The following HTR3B variants were observed in gnomAD, a reference collection of about 807,000 sequenced individuals.
The protein encoded by HTR3B is 5-hydroxytryptamine (serotonin) receptor 3B, ionotropic.
Under a neutral mutation model 42.8 loss-of-function variants are expected in HTR3B, and 44 were observed. The observed-to-expected ratio is 1.03, with a 90% CI of 0.81 to 1.32. HTR3B has a LOEUF of 1.32. Ranked by LOEUF, HTR3B falls within the 40% of genes most tolerant of loss-of-function variation. The pLI, the probability that HTR3B is intolerant of heterozygous loss-of-function variation, is 0.00. For synonymous variants in HTR3B, 203 were observed against 209.0 expected (o/e 0.97, Z 0.25); for missense variants, 527 against 536.5 (o/e 0.98, Z 0.17).
intron 7 of HTR3B, among the ~76,000 whole-genome samples, chr11:113,943,926 C>T (rs1272322801): frequency 1.3e-5 from 2 of 151,726 alleles, no homozygotes; most frequent in Non-Finnish European, 2.9e-5. Flanking sequence ...GATGCAGTGG[C>T]TCACACCTAT....
intron 6 of HTR3B, among the ~76,000 whole-genome samples, chr11:113,938,553 A>G (rs966420844): frequency 6.6e-6 from 1 of 152,174 alleles, no homozygotes; most frequent in African/African-American, 2.4e-5. Flanking sequence ...TATTAATAGT[A>G]CTAACTTCAG....
chr11:113,942,468 A>C (rs981429902), intron 6 of HTR3B, among the ~76,000 whole-genome samples: 7 of 152,222 alleles, frequency 4.6e-5, no homozygotes, highest in African/African-American at 1.7e-4. Context: ...ACACACACAC[A>C]CAAAAGTAAT....
At position 113,931,423 on chromosome 11, in the gene HTR3B, C is replaced by T; in HGVS notation, c.253C>T (p.Gln85Ter). The T allele has an allele frequency of 6.3e-7, 1 of 1,588,006 alleles. No individual in the cohort carries two copies. The highest frequency in any genetic ancestry group is 8.6e-7 in the Non-Finnish European group (1 of 1,163,026). ...AATATTAAAGACAAGTGTATGGTAC[C>T]AAGAGGTAAATAATTATGTTTTCTT... ...NQILKTSVWYQEVWNDEFLSW... is the reference protein window; with the variant it reads ...NQILKTSVWY The change falls in exon 3 of 9, where the codon CAA (glutamine) becomes TAA (stop). Residue 85 changes from glutamine to a stop codon, truncating the protein, a stop_gained. Coordinates refer to ENST00000260191, the MANE Select transcript of HTR3B (RefSeq NM_006028.5). LOFTEE classifies it high-confidence loss of function.
At position 113,931,361 on chromosome 11, in the gene HTR3B, T is replaced by A. The variant is rs752138150; in HGVS notation, c.214-23T>A. 58 of 1,577,622 alleles carry A rather than the reference T, an allele frequency of 3.7e-5. No individual in the cohort carries two copies. The African/African-American group carries it at 7.5e-4, about 20-fold the overall frequency. ...TTTATTGACATTCTAAGATTTGGAGTGGATTTTCTTTTTGCCTTGCAGGAT... is the reference window on the plus strand; with the variant it reads ...TTTATTGACATTCTAAGATTTGGAGAGGATTTTCTTTTTGCCTTGCAGGAT... On this transcript the variant is annotated intron_variant, in intron 2 of 8. Transcript: ENST00000260191.
upstream of HTR3B, among the ~76,000 whole-genome samples, chr11:113,901,824 T>C (rs898153822): frequency 1.3e-5 from 2 of 152,216 alleles, no homozygotes; most frequent in African/African-American, 4.8e-5. Context: ...AGTCATAGCT[T>C]ACTACAATGC....
At chr11:113,939,121 C>T (rs1243984479) in intron 6 of HTR3B, among the ~76,000 whole-genome samples, 2 of 152,120 alleles carry the variant, frequency 1.3e-5, no homozygotes, top group Admixed American at 1.3e-4. Context: ...CTTAGAAATG[C>T]GAACATCCTT....
chr11:113,917,293 C>T (rs909311573), intron 2 of HTR3B, among the ~76,000 whole-genome samples: 2 of 152,040 alleles, frequency 1.3e-5, no homozygotes, highest in Admixed American at 1.3e-4. Context: ...CCACCACGCC[C>T]AGCTAATTTT....
At chr11:113,915,741 C>A (rs1277237756) in intron 2 of HTR3B, among the ~76,000 whole-genome samples, 1 of 152,160 alleles carries the variant, frequency 6.6e-6, no homozygotes, top group Non-Finnish European at 1.5e-5. Context: ...AACTGTCCAG[C>A]TTTTTTCCAA....
At chr11:113,925,130 C>A (rs1043260373) in intron 2 of HTR3B, among the ~76,000 whole-genome samples, 36 of 152,258 alleles carry the variant, frequency 2.4e-4, no homozygotes, top group African/African-American at 7.9e-4. Context: ...ACCAGTGGTG[C>A]CTTCTGACCC....
At position 113,945,948 on chromosome 11, in the gene HTR3B, G is replaced by T. The variant is rs1273935078; in HGVS notation, c.1137G>T (p.Lys379Asn). 6.2e-7 allele frequency: 1 copy of T among 1,614,186 alleles called. No individual in the cohort carries two copies. Among genetic ancestry groups the T allele is most frequent in the Non-Finnish European group, 8.5e-7 (1 of 1,180,022 alleles). Residue 379 changes from lysine (K) to asparagine (N), a missense_variant, in exon 9 of 9, where the codon AAG becomes AAT. Transcript: ENST00000260191. ...GEHLAQPGTL[K>N]EVWSQLQSIS... ...ACCTGGCCCAGCCAGGAACCCTGAAGGAAGTCTGGTCGCAGCTTCAATCTA... is the reference window on the plus strand; with the variant it reads ...ACCTGGCCCAGCCAGGAACCCTGAATGAAGTCTGGTCGCAGCTTCAATCTA...
chr11:113,939,389 T>C (rs568972511), intron 6 of HTR3B, among the ~76,000 whole-genome samples: 32 of 152,298 alleles, frequency 2.1e-4, no homozygotes, highest in Admixed American at 2.1e-3. Context: ...CAAACATTTT[T>C]AAGAATTTCA....
Position 113,909,448 on chromosome 11 carries a change from TG to T in HTR3B, c.208del (p.Asp70MetfsTer9), listed in dbSNP as rs1228452459. The T allele has an allele frequency of 4.3e-6, 7 of 1,613,730 alleles. No individual in the cohort carries two copies. In the African/African-American group the frequency reaches 6.7e-5, roughly 15 times the overall value. ...CTGGACCTGTTCGTCCATGCTATAT[TG>T]GATGTGGTAAGGACCATCTTGCCCC... ...VYLDLFVHAI[L>X]DVDAENQILK... is the part of the protein sequence containing the mutation. On this transcript the variant is annotated frameshift_variant, in exon 2 of 9. Transcript: ENST00000260191. LOFTEE classifies it high-confidence loss of function.
At chr11:113,932,247 A>C (rs1950042862) in intron 4 of HTR3B, 42 bp from the exon 5 acceptor site, 1 of 1,535,632 alleles carries the variant, frequency 6.5e-7, no homozygotes, top group Admixed American at 1.7e-5. Flanking sequence ...GAAATGACCA[A>C]CATCCTCTCT....
intron 6 of HTR3B, among the ~76,000 whole-genome samples, chr11:113,934,332 G>A (rs914118946): frequency 6.6e-6 from 1 of 151,128 alleles, no homozygotes; most frequent in Non-Finnish European, 1.5e-5. Flanking sequence ...CTCCAGCCTG[G>A]GTGACACAGG....
At chr11:113,914,655 G>C (rs1949833869) in intron 2 of HTR3B, among the ~76,000 whole-genome samples, 2 of 151,262 alleles carry the variant, frequency 1.3e-5, no homozygotes, top group Non-Finnish European at 2.9e-5. Context: ...GCTAATTTTT[G>C]TATTGAATTT....
At chr11:113,909,179 T>A in intron 1 of HTR3B, 116 bp from the exon 2 acceptor site, 1 of 781,124 alleles carries the variant, frequency 1.3e-6, no homozygotes, top group South Asian at 1.5e-5. Context: ...ATGCAGATTT[T>A]GGTGAGCTGA....
chr11:113,911,804 C>T (rs539511018), intron 2 of HTR3B, among the ~76,000 whole-genome samples: 33 of 152,274 alleles, frequency 2.2e-4, no homozygotes, highest in Middle Eastern at 3.4e-3. Context: ...GCTGGGATTA[C>T]AGGCATGAGC....
intron 2 of HTR3B, among the ~76,000 whole-genome samples, chr11:113,919,940 TTA>T (rs1278540812): frequency 2.0e-5 from 3 of 152,176 alleles, no homozygotes; most frequent in Non-Finnish European, 4.4e-5. Flanking sequence ...TTCCCCCAAC[TTA>T]GATAAACCCC....
At chr11:113,910,642 G>C (rs1399727870) in intron 2 of HTR3B, among the ~76,000 whole-genome samples, 3 of 151,284 alleles carry the variant, frequency 2.0e-5, no homozygotes, top group African/African-American at 7.3e-5. Flanking sequence ...GGTTTCACCT[G>C]TTGGACAGGT....
Sources: allele counts gnomAD v4.1 joint callset (sites outside exome capture counted in the v4.1 genomes callset), GRCh38; gene constraint gnomAD v4.1.1; transcripts MANE v1.5; gene names NCBI Gene and HGNC (gene_info 2026-07-23, HGNC 2026-07-21).